CNOT4: variants seen among roughly 807,000 people sequenced by gnomAD.
CNOT4 encodes CCR4-associated factor 4.
Under a neutral mutation model 73.8 loss-of-function variants are expected in CNOT4, and 8 were observed. That is an observed-to-expected ratio of 0.11 (90% confidence interval 0.06 to 0.20). CNOT4 has a LOEUF of 0.20. CNOT4 is among the 10% of genes least tolerant of loss of function. The probability of loss-of-function intolerance (pLI) is 1.00; values close to 1 mark genes in which losing one functional copy is unlikely to be tolerated. For missense variants in CNOT4, 564 were observed against 883.4 expected (o/e 0.64, Z 4.58); for synonymous variants, 293 against 321.1 (o/e 0.91, Z 0.94).
chr7:135,456,910 G>A (rs1800569124), intron 1 of CNOT4, among the ~76,000 whole-genome samples: 1 of 151,780 alleles, frequency 6.6e-6, no homozygotes, highest in South Asian at 2.1e-4. Context: ...TGTGTAAGGT[G>A]GGAAAAGAAG....
chr7:135,506,573 G>A (rs966782535), intron 1 of CNOT4, among the ~76,000 whole-genome samples: 7 of 152,158 alleles, frequency 4.6e-5, no homozygotes, highest in African/African-American at 1.7e-4. Flanking sequence ...TTTTAGGCCT[G>A]GCATGGTGGC....
chr7:135,495,690 AAAAGAAAGAAAGAAAG>A (rs796412528), intron 1 of CNOT4, among the ~76,000 whole-genome samples: 3,498 of 38,556 alleles, frequency 0.091, 350 homozygotes, highest in Middle Eastern at 0.17. Flanking sequence ...AAAAAAAAAA[AAAAGAAAGAAAGAAAG>A]AAAGAAAGAA....
chr7:135,464,284 C>G (rs1000598612), intron 1 of CNOT4, among the ~76,000 whole-genome samples: 1 of 152,068 alleles, frequency 6.6e-6, no homozygotes, highest in African/African-American at 2.4e-5. Context: ...GTGGAATCAA[C>G]CTAAATGCCC....
In CNOT4 at chr7:135,364,150, A is replaced by C. The variant is rs938062935; in HGVS notation, c.1628-84T>G. On this transcript the variant is annotated intron_variant, in intron 10 of 11. Transcript: ENST00000541284. This position sits in a 1 kb window ranked among gnomAD's most constrained non-coding sequence, Gnocchi z 4.3. ...AACATATGTTGTTCTTTAGTGGTTA[A>C]GCGGGAGAAGAATTATTCTTTCTTT... is the stretch of plus-strand genomic sequence containing the variant. 3 of 974,358 alleles carry C rather than the reference A, an allele frequency of 3.1e-6. No homozygotes were observed. In the African/African-American group the frequency reaches 4.9e-5, roughly 16 times the overall value. The allele number at this position is 974,358 out of a possible 1,614,324, so 60.4% of individuals were successfully genotyped here.
Position 135,363,559 on chromosome 7 carries a change from A to G in CNOT4, c.1840+295T>C, listed in dbSNP as rs919402737. Among the ~76,000 whole-genome samples the G allele has an allele frequency of 1.3e-5, 2 of 152,224 alleles. No homozygotes were observed. Among genetic ancestry groups the G allele is most frequent in the Admixed American group, 6.5e-5 (1 of 15,286 alleles). On this transcript the variant is annotated intron_variant, in intron 11 of 11. Transcript: ENST00000541284. This position sits in a 1 kb window ranked among gnomAD's most constrained non-coding sequence, Gnocchi z 4.3. ...AAAGTGGAGTATGTTCCTTATAAGAAGAGTAAGTCAGATCCTTTTGTACTT... is the reference window on the plus strand; with the variant it reads ...AAAGTGGAGTATGTTCCTTATAAGAGGAGTAAGTCAGATCCTTTTGTACTT...
At chr7:135,454,706 A>G (rs1242830198) in intron 1 of CNOT4, among the ~76,000 whole-genome samples, 1 of 152,082 alleles carries the variant, frequency 6.6e-6, no homozygotes, top group African/African-American at 2.4e-5. Flanking sequence ...AGCCTGGGCA[A>G]CGTGGTGAAA....
At chr7:135,508,773 G>C (rs144799334) in intron 1 of CNOT4, among the ~76,000 whole-genome samples, 1 of 152,234 alleles carries the variant, frequency 6.6e-6, no homozygotes, top group Non-Finnish European at 1.5e-5. Context: ...ATATTTGCTA[G>C]CGGAGTTCAC....
chr7:135,414,758 C>T (rs1445478823), intron 4 of CNOT4, among the ~76,000 whole-genome samples: 1 of 151,938 alleles, frequency 6.6e-6, no homozygotes, highest in Non-Finnish European at 1.5e-5. Context: ...AAAAATAAGA[C>T]TTAAAGACTA....
At chr7:135,436,475 T>G (rs371366718) in intron 2 of CNOT4, among the ~76,000 whole-genome samples, 16 of 151,784 alleles carry the variant, frequency 1.1e-4, no homozygotes, top group African/African-American at 3.6e-4. Flanking sequence ...ATTGTCTTCT[T>G]ATGGAATGAC....
chr7:135,368,585 G>T (rs1795033848), intron 10 of CNOT4, among the ~76,000 whole-genome samples: 1 of 152,226 alleles, frequency 6.6e-6, no homozygotes, highest in Admixed American at 6.5e-5. Context: ...AGACAGGCCA[G>T]TTGGGACACG....
In CNOT4 at chr7:135,395,736, G is replaced by A; in HGVS notation, c.1027C>T (p.His343Tyr). The A allele has an allele frequency of 1.2e-6, 2 of 1,614,092 alleles. No individual in the cohort carries two copies. The highest frequency in any genetic ancestry group is 1.7e-6 in the Non-Finnish European group (2 of 1,179,992). Residue 343 changes from histidine (H) to tyrosine (Y), a missense_variant, in exon 9 of 12, where the codon CAT becomes TAT. By Grantham distance (83) the His-to-Tyr change is moderately conservative (BLOSUM62 2). This residue lies in a region of CNOT4 where 135 missense variants were observed against 154.0 expected (regional missense o/e 0.88). Coordinates refer to ENST00000541284, the MANE Select transcript of CNOT4 (RefSeq NM_001190850.2). ...SQSLFSDNFR[H>Y]PNPIPSGLPP... is the part of the protein sequence containing the mutation. ...AGCCCACTTGGGATAGGGTTGGGAT[G>A]GCGAAAATTGTCTGAGAATAACGAC...
chr7:135,411,878 T>C (rs1270745352), intron 6 of CNOT4, among the ~76,000 whole-genome samples: 8 of 151,952 alleles, frequency 5.3e-5, no homozygotes, highest in African/African-American at 1.7e-4. Context: ...AAATATTTCC[T>C]ATGGCACTAA....
At chr7:135,451,797 C>CA (rs1342446763) in intron 1 of CNOT4, among the ~76,000 whole-genome samples, 1 of 152,160 alleles carries the variant, frequency 6.6e-6, no homozygotes, top group Non-Finnish European at 1.5e-5. Context: ...TCTATAATAG[C>CA]AATTAATTTT....
At position 135,495,181 on chromosome 7, in the gene CNOT4, G is replaced by C. The variant is rs112768042; in HGVS notation, c.-93+14708C>G. Among the ~76,000 whole-genome samples the C allele has an allele frequency of 7.7e-3, 1,172 of 152,160 alleles. 26 individuals are homozygous for C. Among genetic ancestry groups the C allele is most frequent in the East Asian group, 0.054 (280 of 5,168 alleles). ...ATATTCCCTATTATGAAATTTAAGA[G>C]CAGCCTGGGCAACAAACATGGCAAA... On this transcript the variant is annotated intron_variant, in intron 1 of 11. Transcript: ENST00000541284.
chr7:135,376,287 C>T (rs919707562), intron 10 of CNOT4, among the ~76,000 whole-genome samples: 5 of 152,156 alleles, frequency 3.3e-5, no homozygotes, highest in Non-Finnish European at 5.9e-5. Context: ...CTACTCTGTA[C>T]CATTTTCTCT....
intron 10 of CNOT4, among the ~76,000 whole-genome samples, chr7:135,366,409 A>T (rs1257325275): frequency 2.7e-5 from 1 of 37,162 alleles, no homozygotes; most frequent in Non-Finnish European, 7.4e-5. Context: ...AACTACTCTA[A>T]AAAAAAGTTT....
chr7:135,506,521 T>C (rs1171527868), intron 1 of CNOT4, among the ~76,000 whole-genome samples: 1 of 152,198 alleles, frequency 6.6e-6, no homozygotes, highest in Non-Finnish European at 1.5e-5. Context: ...AGTTTAAACA[T>C]ATTTAATTGA....
chr7:135,464,473 A>G (rs1801098088), intron 1 of CNOT4, among the ~76,000 whole-genome samples: 1 of 152,180 alleles, frequency 6.6e-6, no homozygotes, highest in African/African-American at 2.4e-5. Flanking sequence ...TATAAATGTG[A>G]GCTAAATGAT....
At chr7:135,497,084 G>T (rs75476418) in intron 1 of CNOT4, among the ~76,000 whole-genome samples, 11,298 of 151,860 alleles carry the variant, frequency 0.074, 583 homozygotes, top group Non-Finnish European at 0.11. Context: ...TTGGATTACA[G>T]GCGTGAGCCA....
Sources: allele counts gnomAD v4.1 joint callset (sites outside exome capture counted in the v4.1 genomes callset), GRCh38; gene constraint gnomAD v4.1.1; regional missense constraint gnomAD v4.1.1; non-coding constraint Gnocchi (gnomAD v3.1); transcripts MANE v1.5; gene names NCBI Gene and HGNC (gene_info 2026-07-23, HGNC 2026-07-21).